SEPTIN6: variants seen among roughly 807,000 people sequenced by gnomAD.
SEPTIN6 encodes the protein septin-6.
Under a neutral mutation model 33.6 loss-of-function variants are expected in SEPTIN6, and 8 were observed. The observed-to-expected ratio is 0.24, with a 90% confidence interval of 0.14 to 0.43. The LOEUF (loss-of-function observed/expected upper bound fraction) is 0.43. Among genes scored for constraint, SEPTIN6 ranks in the 20% least tolerant of loss-of-function variants. The probability of loss-of-function intolerance (pLI) is 1.00; values close to 1 mark genes in which losing one functional copy is unlikely to be tolerated. For synonymous variants in SEPTIN6, 131 were observed against 140.0 expected, an observed-to-expected ratio of 0.94 and a Z score of 0.45; for missense variants, 250 against 340.8, an observed-to-expected ratio of 0.73 and a Z score of 2.10.
intron 2 of SEPTIN6, among the ~76,000 whole-genome samples, chrX:119,670,268 GAAT>G (rs1367415049): frequency 2.7e-5 from 3 of 111,367 alleles, no homozygotes. Flanking sequence ...CCTCTAAAAA[GAAT>G]AATAGGCCAG....
Position 119,660,463 on chromosome X carries a change from G to T in SEPTIN6, c.341+3019C>A, listed in dbSNP as rs141165419. On this transcript the variant is annotated intron_variant, in intron 3 of 10. Coordinates refer to ENST00000394610, the MANE Select transcript of SEPTIN6 (RefSeq NM_145799.4). ...TATGTATCACATTTATAATCGGGAA[G>T]AAACAATAGGGATATCTTAAAACTA... is the stretch of plus-strand genomic sequence containing the variant. Among the ~76,000 whole-genome samples, 11 of 112,098 alleles carry T rather than the reference G, an allele frequency of 9.8e-5. No homozygotes were observed. The East Asian group carries it at 2.8e-3, about 29-fold the overall frequency.
At position 119,633,611 on chromosome X, in the gene SEPTIN6, C is replaced by G. The variant is rs2054005612; in HGVS notation, c.957-119G>C. On this transcript the variant is annotated intron_variant, in intron 7 of 10. Coordinates refer to ENST00000394610, the MANE Select transcript of SEPTIN6 (RefSeq NM_145799.4). Reference sequence around the variant, plus strand: ...CCCTTCCCCAGTTGTGAGCCAGGTACAAAAATAGAACCACAAAGCTGTGGG... The same window carrying G: ...CCCTTCCCCAGTTGTGAGCCAGGTAGAAAAATAGAACCACAAAGCTGTGGG... 2.4e-5 allele frequency: 23 copies of G among 947,916 alleles called. No homozygotes were observed. The South Asian group carries it at 5.9e-4, about 24-fold the overall frequency. The allele number at this position is 947,916 out of a possible 1,213,427, so 78.1% of individuals were successfully genotyped here.
chrX:119,625,158 C>T (rs1454973134), intron 10 of SEPTIN6, among the ~76,000 whole-genome samples, 177 bp downstream of exon 10: 3 of 112,171 alleles, frequency 2.7e-5, no homozygotes, highest in Non-Finnish European at 5.6e-5. Flanking sequence ...AGGCATTCCA[C>T]ATGTACACCT....
chrX:119,627,947 C>T (rs143731627), intron 9 of SEPTIN6, among the ~76,000 whole-genome samples: 1,224 of 106,480 alleles, frequency 0.011, 15 homozygotes, highest in African/African-American at 0.04. Flanking sequence ...TACAGGCGCA[C>T]GCCACCACGC....
In SEPTIN6 at chrX:119,629,444, T is replaced by A; in HGVS notation, c.1154A>T (p.Lys385Met). 8.3e-7 allele frequency: 1 copy of A among 1,211,623 alleles called. No homozygotes were observed. The highest frequency in any genetic ancestry group is 1.1e-6 in the Non-Finnish European group (1 of 895,296). ...CACTTCATCATCCAGGGATTTCTTC[T>A]TATCCTCCAGTTTCTTCTTCTCGTC... ...HQDEKKKLEDKKKSLDDEVNA... is the reference protein window; with the variant it reads ...HQDEKKKLEDMKKSLDDEVNA... The change falls in exon 9 of 11, where the codon AAG (lysine) becomes ATG (methionine). Residue 385 changes from lysine to methionine, a missense_variant. By Grantham distance (95) the Lys-to-Met change is moderately conservative. Around this residue, in one of 2 missense-constraint regions of SEPTIN6, gnomAD observed 139 missense variants for 227.0 expected, o/e 0.61. Transcript: ENST00000394610.
chrX:119,641,941 C>T lies in SEPTIN6; in HGVS notation c.691-1153G>A, dbSNP rs757556170. Reference sequence around the variant, plus strand: ...TCAGATATTCTGACCCATTTGCCCACTCATCCATTCTACAAATATTTACTG... The same window carrying T: ...TCAGATATTCTGACCCATTTGCCCATTCATCCATTCTACAAATATTTACTG... On this transcript the variant is annotated intron_variant, in intron 5 of 10. Transcript: ENST00000394610. Among the ~76,000 whole-genome samples the T allele has an allele frequency of 9.8e-5, 11 of 112,440 alleles. No homozygotes were observed. The South Asian group carries it at 3.6e-3, about 37-fold the overall frequency.
At chrX:119,653,144 C>A in intron 3 of SEPTIN6, 104 bp from the exon 4 acceptor site, 1 of 624,114 alleles carries the variant, frequency 1.6e-6, no homozygotes, top group Admixed American at 3.2e-5. Context: ...TGACTCTCTC[C>A]CATCCAACTG....
At position 119,618,594 on chromosome X, in the gene SEPTIN6, G is replaced by A; in HGVS notation, c.*1499C>T. On this transcript the variant is annotated 3_prime_UTR_variant, in exon 11 of 11. Coordinates refer to ENST00000394610, the MANE Select transcript of SEPTIN6 (RefSeq NM_145799.4). ...ATGGTCAGTGCCAGTGGGGCTGGGA[G>A]GCAGGAGCAAGTTGCGGAACTCAAA... The A allele has an allele frequency of 1.1e-5, 11 of 1,037,233 alleles. No homozygotes were observed. The South Asian group carries it at 3.4e-4, about 32-fold the overall frequency. The allele number at this position is 1,037,233 out of a possible 1,213,427, so 85.5% of individuals were successfully genotyped here. A position where few individuals can be genotyped will look rare whatever the true frequency, so the allele number is the denominator to read the frequency against.
chrX:119,679,498 T>C (rs2054909579), intron 1 of SEPTIN6, among the ~76,000 whole-genome samples: 1 of 111,626 alleles, frequency 9.0e-6, no homozygotes, highest in Non-Finnish European at 1.9e-5. Context: ...CAATAAATGC[T>C]GGTTGGTGTG....
intron 6 of SEPTIN6, among the ~76,000 whole-genome samples, chrX:119,640,226 G>A (rs1312625187): frequency 1.1e-4 from 9 of 80,342 alleles, no homozygotes; most frequent in East Asian, 4.2e-4. Context: ...TCACCATGTT[G>A]GCCAGGATGG....
chrX:119,658,081 A>C (rs780194781), intron 3 of SEPTIN6, among the ~76,000 whole-genome samples: 65 of 112,094 alleles, frequency 5.8e-4, no homozygotes, highest in Middle Eastern at 4.6e-3. Context: ...AAGCCGAGAT[A>C]GCGCCACTGC....
intron 4 of SEPTIN6, among the ~76,000 whole-genome samples, chrX:119,650,876 A>C (rs1364224597): frequency 8.9e-6 from 1 of 111,972 alleles, no homozygotes; most frequent in Non-Finnish European, 1.9e-5. Flanking sequence ...AAGAAAAGCA[A>C]GTATAAATGC....
At chrX:119,675,041 C>CAA (rs66460162) in intron 2 of SEPTIN6, among the ~76,000 whole-genome samples, 5 of 94,868 alleles carry the variant, frequency 5.3e-5, no homozygotes, top group African/African-American at 7.6e-5. Context: ...ACCCCCATCT[C>CAA]AAAAAAAAAA....
chrX:119,623,762 C>T (rs764689676), intron 10 of SEPTIN6, among the ~76,000 whole-genome samples: 1 of 111,966 alleles, frequency 8.9e-6, no homozygotes, highest in African/African-American at 3.3e-5. Context: ...TTGCTTGAAC[C>T]CAGGAGGCGG....
At chrX:119,667,590 C>T (rs1001777199) in intron 2 of SEPTIN6, among the ~76,000 whole-genome samples, 2 of 110,753 alleles carry the variant, frequency 1.8e-5, no homozygotes, top group Non-Finnish European at 3.8e-5. Context: ...CAGTGTAGAG[C>T]CTGGGGGTCG....
At position 119,629,386 on chromosome X, in the gene SEPTIN6, C is replaced by T. The variant is rs1373068615; in HGVS notation, c.1212G>A (p.Glu404=). Residue 404 remains glutamate, a synonymous_variant, in exon 9 of 11, where the codon GAG becomes GAA. Transcript: ENST00000394610. The stretch of plus-strand genomic sequence containing the variant: ...CCTGGGAGCCCTGGGACTGGAGCAG[C>T]TCAGCCGCCGTCTTTCTTTGCTTGA... The part of the protein sequence containing the change: ...NAFKQRKTAA[E]LLQSQGSQAG... 1.9e-5 allele frequency: 23 copies of T among 1,210,194 alleles called. No homozygotes were observed.
intron 1 of SEPTIN6, among the ~76,000 whole-genome samples, chrX:119,682,704 C>CTT (rs2054982265): frequency 9.1e-6 from 1 of 110,466 alleles, no homozygotes; most frequent in Non-Finnish European, 1.9e-5. Context: ...GTCCCTTAAG[C>CTT]ACCCGAGTAG....
intron 5 of SEPTIN6, among the ~76,000 whole-genome samples, chrX:119,644,805 C>T (rs1425484125): frequency 4.6e-5 from 5 of 108,764 alleles, no homozygotes; most frequent in South Asian, 4.1e-4. Context: ...GAGCCAAGAT[C>T]GCACCACTGC....
downstream of SEPTIN6, chrX:119,616,547 A>C (rs748206547): frequency 1.8e-5 from 10 of 556,712 alleles, no homozygotes; most frequent in South Asian, 2.3e-4. Flanking sequence ...TGAGTCAGGA[A>C]GAGAGCTTCT....
Sources: allele counts gnomAD v4.1 joint callset (sites outside exome capture counted in the v4.1 genomes callset), GRCh38; gene constraint gnomAD v4.1.1; regional missense constraint gnomAD v4.1.1; transcripts MANE v1.5; gene names NCBI Gene and HGNC (gene_info 2026-07-23, HGNC 2026-07-21).